The following CPVL variants were observed in gnomAD, a reference collection of about 807,000 sequenced individuals.
CPVL encodes carboxypeptidase vitellogenic like, also known as probable serine carboxypeptidase CPVL.
A neutral mutation model predicts 63.7 loss-of-function variants in CPVL; 51 were observed. That is an observed-to-expected ratio of 0.80 (90% CI 0.64 to 1.01). CPVL has a LOEUF of 1.01. Among genes scored for constraint, CPVL ranks in the 50% least tolerant of loss-of-function variants. The pLI, the probability that CPVL is intolerant of heterozygous loss-of-function variation, is 0.00. For missense variants in CPVL, 530 were observed against 573.1 expected (o/e 0.92, Z 0.77); for synonymous variants, 195 against 206.0 (o/e 0.95, Z 0.46).
At chr7:29,099,380 C>T (rs1786826057) in intron 3 of CPVL, among the ~76,000 whole-genome samples, 1 of 152,174 alleles carries the variant, frequency 6.6e-6, no homozygotes, top group South Asian at 2.1e-4. Flanking sequence ...GTTCAAATGT[C>T]TATGAACAAG....
chr7:28,995,954 C>G, intron 12 of CPVL, 72 bp from the exon 13 acceptor site: 1 of 850,862 alleles, frequency 1.2e-6, no homozygotes, highest in Non-Finnish European at 1.8e-6. Context: ...AGTTTTCATT[C>G]AGATTAAACT....
intron 5 of CPVL, among the ~76,000 whole-genome samples, chr7:29,163,196 T>C (rs1466920017): frequency 1.3e-5 from 2 of 152,176 alleles, no homozygotes; most frequent in South Asian, 2.1e-4. Flanking sequence ...GTTTGATATA[T>C]GAATCTGTTT....
chr7:29,059,930 A>G (rs900197519), intron 11 of CPVL, among the ~76,000 whole-genome samples: 4 of 152,260 alleles, frequency 2.6e-5, no homozygotes, highest in African/African-American at 9.6e-5. Context: ...TTGCCCTGTG[A>G]CCTCAGTTTC....
chr7:29,127,163 C>T (rs770338771), intron 1 of CPVL, among the ~76,000 whole-genome samples: 1 of 152,154 alleles, frequency 6.6e-6, no homozygotes, highest in Non-Finnish European at 1.5e-5. Context: ...TCTGACACCA[C>T]AGTCTAGAGC....
intron 5 of CPVL, among the ~76,000 whole-genome samples, chr7:29,157,870 A>G (rs1422964582): frequency 6.6e-6 from 1 of 152,242 alleles, no homozygotes; most frequent in Non-Finnish European, 1.5e-5. Context: ...ATTATTAGAA[A>G]TGTCATGTGC....
intron 3 of CPVL, among the ~76,000 whole-genome samples, chr7:29,104,353 C>A (rs1787512097): frequency 6.6e-6 from 1 of 152,168 alleles, no homozygotes; most frequent in African/African-American, 2.4e-5. Flanking sequence ...CTCCACCTTC[C>A]CAGTGCAAGC....
intron 12 of CPVL, among the ~76,000 whole-genome samples, chr7:29,024,024 A>ATTTCATAATAGTGTTATT (rs1787256941): frequency 1.3e-5 from 2 of 152,210 alleles, no homozygotes; most frequent in African/African-American, 4.8e-5. Context: ...TCTGGTAAAG[A>ATTTCATAATAGTGTTATT]TTTCATAATA....
intron 12 of CPVL, chr7:29,012,904 C>T (rs1304555779): frequency 6.6e-6 from 1 of 152,168 alleles, no homozygotes; most frequent in Non-Finnish European, 1.5e-5. Context: ...ATCAGGGTAT[C>T]TACAGAGCAG....
At chr7:29,106,054 G>A (rs1173586574) in intron 3 of CPVL, among the ~76,000 whole-genome samples, 1 of 152,156 alleles carries the variant, frequency 6.6e-6, no homozygotes, top group Non-Finnish European at 1.5e-5. Context: ...GCAGCCTTCT[G>A]AGTAGCTGAG....
At chr7:29,041,750 T>C (rs1789113644) in intron 11 of CPVL, among the ~76,000 whole-genome samples, 1 of 152,204 alleles carries the variant, frequency 6.6e-6, no homozygotes, top group Admixed American at 6.5e-5. Context: ...GCACTTAAAA[T>C]GTGGCTAGTC....
chr7:29,095,227 C>T, intron 4 of CPVL, 85 bp from the exon 5 acceptor site: 2 of 1,084,556 alleles, frequency 1.8e-6, no homozygotes, highest in Non-Finnish European at 2.9e-6. Flanking sequence ...CCCAACACAC[C>T]CCACGGTCCT....
chr7:29,178,531 C>T lies in CPVL; in HGVS notation c.-11+2759G>A, dbSNP rs145469017. Among the ~76,000 whole-genome samples, 12 of 152,298 alleles carry T rather than the reference C, an allele frequency of 7.9e-5. No individual in the cohort carries two copies. In the East Asian group the frequency reaches 2.1e-3, roughly 27 times the overall value. ...TCAAGTCTCTGCTGAAATGTCACAT[C>T]CTCCGAGAGACGTTGCCTGACATGC... On this transcript the variant is annotated intron_variant, in intron 5 of 16. Coordinates refer to the CPVL transcript ENST00000409850.
chr7:29,047,097 T>A (rs898701274), intron 11 of CPVL, among the ~76,000 whole-genome samples: 2 of 152,192 alleles, frequency 1.3e-5, no homozygotes, highest in Non-Finnish European at 2.9e-5. Context: ...CTTCCCTTCC[T>A]TCTTTCCAAC....
At position 29,042,863 on chromosome 7, in the gene CPVL, G is replaced by A. The variant is rs1313253176; in HGVS notation, c.1138-12104C>T. ...AGAGATGCTCAGAAGCTCTCAAAAC[G>A]GATATGGACAGTGGACGGGGAGGCC... On this transcript the variant is annotated intron_variant, in intron 11 of 12. Coordinates refer to ENST00000265394, the MANE Select transcript of CPVL (RefSeq NM_031311.5). Among the ~76,000 whole-genome samples, 7 of 152,292 alleles carry A rather than the reference G, an allele frequency of 4.6e-5. No homozygotes were observed. In the East Asian group the frequency reaches 9.7e-4, roughly 21 times the overall value.
chr7:29,094,449 T>C lies in CPVL; in HGVS notation c.462+635A>G, dbSNP rs1276556341. ...TGAAAGATTACAAGTTCTGACACTA[T>C]ATAATAACCTGTGATATAAGGAACC... On this transcript the variant is annotated intron_variant, in intron 5 of 12. Transcript: ENST00000265394. Among the ~76,000 whole-genome samples, 5 of 152,218 alleles carry C rather than the reference T, an allele frequency of 3.3e-5. No homozygotes were observed. In the East Asian group the frequency reaches 5.8e-4, roughly 18 times the overall value.
intron 1 of CPVL, chr7:29,194,852 G>A (rs953455085): frequency 8.1e-6 from 10 of 1,230,686 alleles, no homozygotes; most frequent in African/African-American, 8.0e-5. Flanking sequence ...TGGGCTGGGG[G>A]CCGCGGAGGC....
intron 5 of CPVL, among the ~76,000 whole-genome samples, chr7:29,159,517 C>T (rs1166260038): frequency 1.3e-5 from 2 of 152,134 alleles, no homozygotes. Context: ...TATCATGTAA[C>T]ATGTATGTGT....
intron 5 of CPVL, among the ~76,000 whole-genome samples, chr7:29,154,057 AC>A (rs1399788972): frequency 6.6e-6 from 1 of 152,192 alleles, no homozygotes; most frequent in African/African-American, 2.4e-5. Context: ...TTTTGACTGC[AC>A]AGGGGGTTGA....
intron 11 of CPVL, among the ~76,000 whole-genome samples, chr7:29,051,074 C>T (rs1562741743): frequency 1.3e-5 from 2 of 152,130 alleles, no homozygotes. Flanking sequence ...ACTGGATCCT[C>T]ATCTCTCACC....
Sources: allele counts gnomAD v4.1 joint callset (sites outside exome capture counted in the v4.1 genomes callset), GRCh38; gene constraint gnomAD v4.1.1; transcripts MANE v1.5; gene names NCBI Gene and HGNC (gene_info 2026-07-23, HGNC 2026-07-21).